Variants in HS6ST3 observed in about 807,000 individuals in gnomAD.
HS6ST3 encodes heparan-sulfate 6-O-sulfotransferase 3.
A neutral mutation model predicts 36.7 loss-of-function variants in HS6ST3; 12 were observed. The observed-to-expected ratio is 0.33, with a 90% CI of 0.21 to 0.53. The LOEUF is 0.53. HS6ST3 is among the 20% of genes least tolerant of loss of function. HS6ST3 has a pLI of 0.95. For synonymous variants in HS6ST3, 240 were observed against 257.5 expected, an observed-to-expected ratio of 0.93 and a Z score of 0.65; for missense variants, 584 against 640.9, an observed-to-expected ratio of 0.91 and a Z score of 0.96.
chr13:96,809,938 A>G (rs1407554744), intron 1 of HS6ST3, among the ~76,000 whole-genome samples: 1 of 152,196 alleles, frequency 6.6e-6, no homozygotes, highest in African/African-American at 2.4e-5. Context: ...TGGGATTTGG[A>G]GTGAATTACT....
rs567023807 is a variant in HS6ST3 at position 96,739,537 on chromosome 13, G to C, written c.708-92953G>C. Among the ~76,000 whole-genome samples the C allele has an allele frequency of 2.6e-5, 4 of 151,976 alleles. No individual in the cohort carries two copies. The South Asian group carries it at 8.3e-4, about 32-fold the overall frequency. Reference sequence around the variant, plus strand: ...ATGGCCACTTCTTTTAGTTGTTCTGGCTAAAATCGTTAGAGTCACTCTTGA... The same window carrying C: ...ATGGCCACTTCTTTTAGTTGTTCTGCCTAAAATCGTTAGAGTCACTCTTGA... On this transcript the variant is annotated intron_variant, in intron 1 of 1. Coordinates refer to ENST00000376705, the MANE Select transcript of HS6ST3 (RefSeq NM_153456.4).
intron 1 of HS6ST3, among the ~76,000 whole-genome samples, chr13:96,626,960 T>C (rs956161072): frequency 6.6e-6 from 1 of 152,128 alleles, no homozygotes; most frequent in Admixed American, 6.5e-5. Context: ...AACTTTGTTT[T>C]GTATGCTGTG....
chr13:96,725,032 G>T (rs1022099679), intron 1 of HS6ST3, among the ~76,000 whole-genome samples: 2 of 152,054 alleles, frequency 1.3e-5, no homozygotes, highest in Non-Finnish European at 2.9e-5. Flanking sequence ...CAATTACTCC[G>T]CATTGTCCCG....
intron 1 of HS6ST3, among the ~76,000 whole-genome samples, chr13:96,630,380 A>G (rs898718174): frequency 3.9e-5 from 6 of 152,286 alleles, no homozygotes; most frequent in East Asian, 1.9e-4. Context: ...ATTATTCGCT[A>G]TGCTTGGGAT....
chr13:96,153,429 C>T (rs1199793475), intron 1 of HS6ST3, among the ~76,000 whole-genome samples: 3 of 152,132 alleles, frequency 2.0e-5, no homozygotes, highest in African/African-American at 4.8e-5. Context: ...GGAATGATAC[C>T]TTGGCTTTCC....
At chr13:96,626,982 A>G (rs541276006) in intron 1 of HS6ST3, among the ~76,000 whole-genome samples, 1 of 152,178 alleles carries the variant, frequency 6.6e-6, no homozygotes, top group Non-Finnish European at 1.5e-5. Context: ...ATACACTCAT[A>G]TCATTTACAA....
chr13:96,797,041 A>G (rs1041568955), intron 1 of HS6ST3, among the ~76,000 whole-genome samples: 1 of 152,034 alleles, frequency 6.6e-6, no homozygotes, highest in African/African-American at 2.4e-5. Context: ...GTTCGAAAAA[A>G]TCCATTTATG....
At chr13:96,697,720 A>C (rs1273093096) in intron 1 of HS6ST3, among the ~76,000 whole-genome samples, 1 of 152,190 alleles carries the variant, frequency 6.6e-6, no homozygotes, top group African/African-American at 2.4e-5. Context: ...AACCTCTATG[A>C]CTTTTTCGAT....
chr13:96,194,191 A>G, intron 1 of HS6ST3, among the ~76,000 whole-genome samples: 1 of 152,112 alleles, frequency 6.6e-6, no homozygotes, highest in Non-Finnish European at 1.5e-5. Context: ...CATTGTATAT[A>G]CAATATTGGG....
chr13:96,593,174 CTTTTTTTT>C (rs35380296), intron 1 of HS6ST3, among the ~76,000 whole-genome samples: 6 of 46,602 alleles, frequency 1.3e-4, no homozygotes, highest in Admixed American at 4.4e-4. Context: ...TTCTTTCTTT[CTTTTTTTT>C]TTTTTTTTTT....
chr13:96,194,170 C>T (rs1230522664), intron 1 of HS6ST3, among the ~76,000 whole-genome samples: 1 of 152,112 alleles, frequency 6.6e-6, no homozygotes, highest in Non-Finnish European at 1.5e-5. Flanking sequence ...GTTTTTCTGG[C>T]ATCCTCATTT....
At chr13:96,584,898 T>G (rs779757722) in intron 1 of HS6ST3, among the ~76,000 whole-genome samples, 17 of 152,042 alleles carry the variant, frequency 1.1e-4, no homozygotes, top group Admixed American at 2.0e-4. Context: ...ACTTGCAGAG[T>G]TGGGAATACC....
At chr13:96,356,453 G>C (rs1015712707) in intron 1 of HS6ST3, among the ~76,000 whole-genome samples, 2 of 152,148 alleles carry the variant, frequency 1.3e-5, no homozygotes, top group African/African-American at 4.8e-5. Flanking sequence ...ATGGGCTGCA[G>C]AATGGATGTT....
At chr13:96,331,283 GCT>G (rs1278429517) in intron 1 of HS6ST3, among the ~76,000 whole-genome samples, 4 of 152,062 alleles carry the variant, frequency 2.6e-5, no homozygotes, top group African/African-American at 7.2e-5. Context: ...CAGTTTTTCT[GCT>G]CTGTTTTTTC....
At chr13:96,642,296 C>G (rs2056572973) in intron 1 of HS6ST3, among the ~76,000 whole-genome samples, 1 of 151,852 alleles carries the variant, frequency 6.6e-6, no homozygotes, top group South Asian at 2.1e-4. Flanking sequence ...TTTCTTGCCT[C>G]TTTCACTATT....
At chr13:96,509,578 C>A (rs1196218948) in intron 1 of HS6ST3, among the ~76,000 whole-genome samples, 1 of 152,160 alleles carries the variant, frequency 6.6e-6, no homozygotes, top group Non-Finnish European at 1.5e-5. Flanking sequence ...CCAATTATCC[C>A]AGCACTATTT....
chr13:96,204,024 A>G (rs9556529), intron 1 of HS6ST3, among the ~76,000 whole-genome samples: 8,967 of 152,288 alleles, frequency 0.059, 429 homozygotes, highest in East Asian at 0.15. Context: ...ATATGTTTTC[A>G]TACATTCATA....
intron 1 of HS6ST3, among the ~76,000 whole-genome samples, chr13:96,512,403 A>T (rs551261008): frequency 2.0e-5 from 3 of 152,316 alleles, no homozygotes; most frequent in South Asian, 2.1e-4. Flanking sequence ...AAGTTTTAGG[A>T]TGAGTTTATC....
intron 1 of HS6ST3, among the ~76,000 whole-genome samples, chr13:96,413,463 G>C (rs1406525307): frequency 6.6e-6 from 1 of 152,152 alleles, no homozygotes; most frequent in Non-Finnish European, 1.5e-5. Context: ...GGGGGTAGAA[G>C]AAATAGAAAA....
Sources: allele counts gnomAD v4.1 joint callset (sites outside exome capture counted in the v4.1 genomes callset), GRCh38; gene constraint gnomAD v4.1.1; transcripts MANE v1.5; gene names NCBI Gene and HGNC (gene_info 2026-07-23, HGNC 2026-07-21).